RAD51AP2: variants seen among roughly 807,000 people sequenced by gnomAD.
The protein encoded by RAD51AP2 is RAD51 associated protein 2.
In RAD51AP2, 67 loss-of-function variants were observed where a neutral mutation model predicts 85.5. The observed-to-expected ratio is 0.78, with a 90% CI of 0.64 to 0.96. The LOEUF is 0.96. Ranked by LOEUF, RAD51AP2 falls within the 40% of genes least tolerant of loss-of-function variation. The pLI is 0.00. For missense variants in RAD51AP2, 1,307 were observed against 1,332.4 expected, an observed-to-expected ratio of 0.98 and a Z score of 0.30; for synonymous variants, 474 against 446.5, an observed-to-expected ratio of 1.06 and a Z score of -0.78.
chr2:17,518,521 G>A (rs1473058056), upstream of RAD51AP2: 2 of 1,412,500 alleles, frequency 1.4e-6, no homozygotes, highest in South Asian at 1.4e-5. Flanking sequence ...CTCAAGACCT[G>A]GCCTTAGCCT....
At chr2:17,521,596 A>T (rs1478930227), upstream of RAD51AP2, among the ~76,000 whole-genome samples, 1 of 152,124 alleles carries the variant, frequency 6.6e-6, no homozygotes, top group Non-Finnish European at 1.5e-5. Flanking sequence ...ATGGCTATAA[A>T]TAACACAAAT....
At chr2:17,521,802 A>G (rs868132459), upstream of RAD51AP2, among the ~76,000 whole-genome samples, 17 of 152,176 alleles carry the variant, frequency 1.1e-4, no homozygotes, top group African/African-American at 4.1e-4. Flanking sequence ...CTCAATGTTC[A>G]TTAATGACAT....
At chr2:17,518,450 C>G (rs374420864), upstream of RAD51AP2, 2 of 1,584,740 alleles carry the variant, frequency 1.3e-6, no homozygotes, top group African/African-American at 1.3e-5. Flanking sequence ...CGAGTCCCGG[C>G]GGGGCTCCAA....
intron 2 of RAD51AP2, among the ~76,000 whole-genome samples, chr2:17,511,629 C>G (rs1465111450): frequency 1.3e-5 from 2 of 151,862 alleles, no homozygotes; most frequent in East Asian, 3.9e-4. Flanking sequence ...ATATATAAAA[C>G]CAAAAATGTA....
Position 17,517,623 on chromosome 2 carries a change from C to G in RAD51AP2, c.793G>C (p.Asp265His). The G allele has an allele frequency of 6.2e-7, 1 of 1,613,890 alleles. No homozygotes were observed. Among genetic ancestry groups the G allele is most frequent in the Non-Finnish European group, 8.5e-7 (1 of 1,179,926 alleles). The change falls in exon 1 of 3, where the codon GAC becomes CAC. Residue 265 changes from aspartate to histidine, a missense_variant. Physicochemically the swap from Asp to His is moderately conservative, Grantham distance 81. Coordinates refer to ENST00000399080, the MANE Select transcript of RAD51AP2 (RefSeq NM_001099218.3). ...ACAGAGGACATTTTGCTATTTAAGT[C>G]CATTGGAAACTGAGGGACACTTATT... ...GTISVPQFPMDLNSKMSSVYL... is the reference protein window; with the variant it reads ...GTISVPQFPMHLNSKMSSVYL...
the RAD51AP2 span, among the ~76,000 whole-genome samples, chr2:17,527,234 T>C: frequency 6.6e-6 from 1 of 152,176 alleles, no homozygotes; most frequent in African/African-American, 2.4e-5. Flanking sequence ...TGTTTCCTAT[T>C]TTTAGAATGA....
intron 1 of RAD51AP2, among the ~76,000 whole-genome samples, chr2:17,514,760 A>T (rs1662598442): frequency 6.6e-6 from 1 of 152,052 alleles, no homozygotes; most frequent in Non-Finnish European, 1.5e-5. Context: ...ACAGAGCTCG[A>T]CTCTGTCTCA....
At position 17,517,601 on chromosome 2, in the gene RAD51AP2, G is replaced by A. The variant is rs1214788406; in HGVS notation, c.815C>T (p.Ser272Phe). 3 of 1,613,770 alleles carry A rather than the reference G, an allele frequency of 1.9e-6. No homozygotes were observed. The highest frequency in any genetic ancestry group is 2.5e-6 in the Non-Finnish European group (3 of 1,179,898). The change falls in exon 1 of 3, where the codon TCT (serine) becomes TTT (phenylalanine). Residue 272 changes from serine to phenylalanine, a missense_variant. By Grantham distance (155) the Ser-to-Phe change is radical. Around this residue, in one of 3 missense-constraint regions of RAD51AP2, gnomAD observed 635 missense variants for 643.6 expected, o/e 0.99. Coordinates refer to ENST00000399080, the MANE Select transcript of RAD51AP2 (RefSeq NM_001099218.3). ...FPMDLNSKMS[S>F]VYLKEIAKKK... is the part of the protein sequence containing the mutation. ...CTTCGCTATTTCCTTTAAATAGACA[G>A]AGGACATTTTGCTATTTAAGTCCAT...
chr2:17,526,302 T>C, the RAD51AP2 span, among the ~76,000 whole-genome samples: 1 of 151,968 alleles, frequency 6.6e-6, no homozygotes, highest in Non-Finnish European at 1.5e-5. Flanking sequence ...TGCTCATCAC[T>C]GTTCTGGACA....
chr2:17,519,470 A>G (rs1035666565), upstream of RAD51AP2, among the ~76,000 whole-genome samples: 14 of 152,156 alleles, frequency 9.2e-5, no homozygotes, highest in African/African-American at 3.4e-4. Flanking sequence ...GTTTTATATT[A>G]CATTTTATGC....
rs745674315 is a variant in RAD51AP2, at chr2:17,515,327, G to A, written c.3089C>T (p.Ser1030Leu). The change falls in exon 1 of 3, where the codon TCG (serine) becomes TTG (leucine). Residue 1030 changes from serine (S) to leucine (L), a missense_variant. Ser to Leu is a moderately radical substitution (Grantham distance 145). Coordinates refer to ENST00000399080, the MANE Select transcript of RAD51AP2 (RefSeq NM_001099218.3). ...AGGACCTGCTATAGTATCATGGAAC[G>A]AGGAAGATGCACGTATTTTGTTGAC... ...VVVNKIRASS[S>L]FHDTIAGPNM... 29 of 1,612,586 alleles carry A rather than the reference G, an allele frequency of 1.8e-5. No homozygotes were observed. Among genetic ancestry groups the A allele is most frequent in the East Asian group, 4.5e-5 (2 of 44,816 alleles).
At chr2:17,536,977 G>C in the RAD51AP2 span, among the ~76,000 whole-genome samples, 1 of 152,136 alleles carries the variant, frequency 6.6e-6, no homozygotes, top group South Asian at 2.1e-4. Flanking sequence ...CTATAGGGAA[G>C]TTATTTTATT....
the RAD51AP2 span, among the ~76,000 whole-genome samples, chr2:17,537,314 C>T: frequency 2.0e-5 from 3 of 151,746 alleles, no homozygotes; most frequent in Non-Finnish European, 4.4e-5. Flanking sequence ...AGAGCGAGAC[C>T]CCTGTCTCTC....
In RAD51AP2 at chr2:17,510,726, AC is replaced by A. The variant is rs1662467007; in HGVS notation, c.*77del. 9.9e-7 allele frequency: 1 copy of A among 1,008,892 alleles called. No homozygotes were observed. The highest frequency in any genetic ancestry group is 1.4e-6 in the Non-Finnish European group (1 of 732,048). The allele number at this position is 1,008,892 out of a possible 1,614,324, so 62.5% of individuals were successfully genotyped here. A position where few individuals can be genotyped will look rare whatever the true frequency, so the allele number is the denominator to read the frequency against. Reference sequence around the variant, plus strand: ...CACTTTATAATAAAGCAAGCCCCAAACCCCCAAGCTGGAAGAACATATATCC... The same window carrying A: ...CACTTTATAATAAAGCAAGCCCCAAACCCCAAGCTGGAAGAACATATATCC... On this transcript the variant is annotated 3_prime_UTR_variant, in exon 3 of 3. Coordinates refer to ENST00000399080, the MANE Select transcript of RAD51AP2 (RefSeq NM_001099218.3).
In RAD51AP2 at chr2:17,515,303, G is replaced by C. The variant is rs757885472; in HGVS notation, c.3113C>G (p.Pro1038Arg). 2 of 1,613,566 alleles carry C rather than the reference G, an allele frequency of 1.2e-6. No individual in the cohort carries two copies. Among genetic ancestry groups the C allele is most frequent in the Non-Finnish European group, 1.7e-6 (2 of 1,179,844 alleles). Residue 1038 changes from proline to arginine, a missense_variant, in exon 1 of 3, where the codon CCT becomes CGT. Physicochemically the swap from Pro to Arg is moderately radical, Grantham distance 103. Around this residue, in one of 3 missense-constraint regions of RAD51AP2, gnomAD observed 668 missense variants for 671.0 expected, o/e 1.00. Transcript: ENST00000399080. ...SSSFHDTIAG[P>R]NMGKSHQSLF... Reference sequence around the variant, plus strand: ...ACTTTGGTGACTTTTGCCCATATTAGGACCTGCTATAGTATCATGGAACGA... The same window carrying C: ...ACTTTGGTGACTTTTGCCCATATTACGACCTGCTATAGTATCATGGAACGA...
chr2:17,514,914 T>G (rs1239248523), intron 1 of RAD51AP2, among the ~76,000 whole-genome samples: 2 of 148,968 alleles, frequency 1.3e-5, no homozygotes, highest in Admixed American at 6.7e-5. Context: ...GAAAACACCT[T>G]TTTTTTTTTT....
At chr2:17,512,575 A>T (rs1490078854) in intron 2 of RAD51AP2, among the ~76,000 whole-genome samples, 1 of 152,224 alleles carries the variant, frequency 6.6e-6, no homozygotes, top group Non-Finnish European at 1.5e-5. Context: ...ATGTGCACAC[A>T]TACTTTATCT....
the RAD51AP2 span, among the ~76,000 whole-genome samples, chr2:17,534,602 A>C: frequency 6.6e-6 from 1 of 151,970 alleles, no homozygotes; most frequent in African/African-American, 2.4e-5. Context: ...TGGCCTTCCT[A>C]AGGAGTTGAT....
upstream of RAD51AP2, among the ~76,000 whole-genome samples, chr2:17,522,859 A>G (rs568008163): frequency 6.6e-6 from 1 of 152,012 alleles, no homozygotes; most frequent in Admixed American, 6.6e-5. Flanking sequence ...GACATGGCAA[A>G]TTTATATAGC....
Sources: allele counts gnomAD v4.1 joint callset (sites outside exome capture counted in the v4.1 genomes callset), GRCh38; gene constraint gnomAD v4.1.1; regional missense constraint gnomAD v4.1.1; transcripts MANE v1.5; gene names NCBI Gene and HGNC (gene_info 2026-07-23, HGNC 2026-07-21).